The following AUTS2 variants were observed in gnomAD, a reference collection of about 807,000 sequenced individuals.
The protein encoded by AUTS2 is autism susceptibility gene 2 protein.
A neutral mutation model predicts 112.4 loss-of-function variants in AUTS2; 17 were observed. That is an observed-to-expected ratio of 0.15 (90% CI 0.10 to 0.23). The LOEUF is 0.23. Ranked by LOEUF, AUTS2 falls within the 10% of genes least tolerant of loss-of-function variation. The pLI is 1.00. For missense variants in AUTS2, 1,510 were observed against 1,701.6 expected (o/e 0.89, Z 1.98); for synonymous variants, 751 against 702.7 (o/e 1.07, Z -1.09).
intron 1 of AUTS2, among the ~76,000 whole-genome samples, chr7:69,682,838 C>A (rs1796863040): frequency 1.3e-5 from 2 of 152,274 alleles, no homozygotes; most frequent in South Asian, 4.1e-4. Context: ...GCAGTCCCAG[C>A]ACTTTGGGAG....
chr7:69,617,614 C>G (rs1191575902), intron 1 of AUTS2, among the ~76,000 whole-genome samples: 1 of 152,124 alleles, frequency 6.6e-6, no homozygotes, highest in African/African-American at 2.4e-5. Flanking sequence ...AGCAACTGTC[C>G]AAAGCCCTCA....
chr7:70,314,029 C>G (rs1490431131), intron 4 of AUTS2, among the ~76,000 whole-genome samples: 1 of 152,186 alleles, frequency 6.6e-6, no homozygotes, highest in African/African-American at 2.4e-5. Context: ...TTGATAGACC[C>G]TGCCTTCTTT....
chr7:70,558,968 A>T (rs140533717), intron 5 of AUTS2, among the ~76,000 whole-genome samples: 1 of 152,212 alleles, frequency 6.6e-6, no homozygotes, highest in Non-Finnish European at 1.5e-5. Context: ...CTCACCTTGA[A>T]TCGCACCTTG....
chr7:69,760,311 A>G (rs1416803989), intron 1 of AUTS2, among the ~76,000 whole-genome samples: 1 of 150,872 alleles, frequency 6.6e-6, no homozygotes, highest in Admixed American at 6.6e-5. Flanking sequence ...CTAGGATTGC[A>G]GGTGTGAGTC....
At position 70,087,034 on chromosome 7, in the gene AUTS2, G is replaced by A. The variant is rs927091675; in HGVS notation, c.523-31098G>A. On this transcript the variant is annotated intron_variant, in intron 2 of 18. Transcript: ENST00000342771. ...ATGGAAGTGGTGAGAGTGTACATGC[G>A]TTTTCATTTTAACTCATATTATGGG... Among the ~76,000 whole-genome samples, 15 of 150,952 alleles carry A rather than the reference G, an allele frequency of 9.9e-5. No homozygotes were observed. The South Asian group carries it at 1.0e-3, about 10-fold the overall frequency.
intron 4 of AUTS2, among the ~76,000 whole-genome samples, chr7:70,185,127 A>AC (rs1020165586): frequency 6.6e-6 from 1 of 152,110 alleles, no homozygotes; most frequent in Non-Finnish European, 1.5e-5. Flanking sequence ...TCCTTCATGA[A>AC]CTAATATTCA....
intron 6 of AUTS2, among the ~76,000 whole-genome samples, chr7:70,712,109 C>T (rs1044717861): frequency 1.3e-5 from 2 of 151,314 alleles, no homozygotes; most frequent in African/African-American, 4.9e-5. Flanking sequence ...GCTGCAACCT[C>T]CACTTTCTGG....
In AUTS2 at chr7:69,692,058, C is replaced by T. The variant is rs569317388; in HGVS notation, c.309+92096C>T. Among the ~76,000 whole-genome samples the T allele has an allele frequency of 5.6e-4, 86 of 152,242 alleles. 1 individual carries two copies. The highest frequency in any genetic ancestry group is 1.8e-3 in the African/African-American group (76 of 41,534). On this transcript the variant is annotated intron_variant, in intron 1 of 18. Transcript: ENST00000342771. ...CTTGAAGCTGAGAGCTTCAGCGGGG[C>T]CAGTGCCTACAAGGGCTGTGTGTAT...
chr7:70,666,768 G>A (rs1377310219), intron 5 of AUTS2, among the ~76,000 whole-genome samples: 1 of 151,948 alleles, frequency 6.6e-6, no homozygotes, highest in Admixed American at 6.6e-5. Flanking sequence ...AACAGCCATA[G>A]CCCCCTCCTT....
At chr7:70,387,447 A>G (rs940802810) in intron 4 of AUTS2, among the ~76,000 whole-genome samples, 29 of 152,100 alleles carry the variant, frequency 1.9e-4, no homozygotes, top group Admixed American at 1.9e-3. Context: ...CTTCCCAAAT[A>G]TGGGTGCCCA....
At chr7:69,806,624 A>G (rs1790320986) in intron 1 of AUTS2, among the ~76,000 whole-genome samples, 1 of 152,092 alleles carries the variant, frequency 6.6e-6, no homozygotes, top group Non-Finnish European at 1.5e-5. Context: ...GTGCACTACC[A>G]CGCCTGGCTA....
chr7:70,208,969 T>C (rs1810718518), intron 4 of AUTS2, among the ~76,000 whole-genome samples: 1 of 152,050 alleles, frequency 6.6e-6, no homozygotes, highest in South Asian at 2.1e-4. Context: ...GGAACTTAGT[T>C]CTAAATCTAG....
intron 5 of AUTS2, among the ~76,000 whole-genome samples, chr7:70,514,253 T>C (rs569853153): frequency 1.3e-5 from 2 of 152,350 alleles, no homozygotes; most frequent in South Asian, 4.1e-4. Context: ...CCATTGTTTC[T>C]TTATGCCAAG....
intron 5 of AUTS2, among the ~76,000 whole-genome samples, chr7:70,626,015 C>T (rs908552431): frequency 1.3e-5 from 2 of 151,994 alleles, no homozygotes; most frequent in South Asian, 2.1e-4. Context: ...CAGGTTCAAG[C>T]GATTCTCTTG....
At chr7:70,636,787 C>T (rs975938722) in intron 5 of AUTS2, among the ~76,000 whole-genome samples, 7 of 151,906 alleles carry the variant, frequency 4.6e-5, no homozygotes, top group Middle Eastern at 3.4e-3. Flanking sequence ...TCTGAGACTA[C>T]AGGCATGCAC....
intron 1 of AUTS2, among the ~76,000 whole-genome samples, chr7:69,651,602 C>T (rs1264849924): frequency 6.6e-6 from 1 of 152,136 alleles, no homozygotes; most frequent in Non-Finnish European, 1.5e-5. Context: ...TTGGGTGAAA[C>T]CTCTTCATCT....
intron 11 of AUTS2, 92 bp from the exon 12 acceptor site, chr7:70,773,936 T>C (rs1205185790): frequency 1.7e-6 from 2 of 1,168,034 alleles, no homozygotes; most frequent in Non-Finnish European, 1.3e-6. Flanking sequence ...AAATGAAGTT[T>C]GGCTTCTCTC....
intron 4 of AUTS2, among the ~76,000 whole-genome samples, chr7:70,188,147 G>A (rs1036098872): frequency 3.3e-5 from 5 of 152,120 alleles, no homozygotes; most frequent in South Asian, 2.1e-4. Context: ...TGTGCCAAAA[G>A]CACTTGCTAA....
intron 5 of AUTS2, among the ~76,000 whole-genome samples, chr7:70,695,827 A>G (rs1330846442): frequency 6.6e-6 from 1 of 152,180 alleles, no homozygotes; most frequent in African/African-American, 2.4e-5. Flanking sequence ...AAGCAGCCAA[A>G]AGAGAGCTTT....
Sources: gnomAD v4.1 joint callset for allele counts (sites outside exome capture counted in the v4.1 genomes callset) on GRCh38, gnomAD v4.1.1 for gene constraint, MANE v1.5 for transcripts, NCBI Gene and HGNC (gene_info 2026-07-23, HGNC 2026-07-21) for gene names.